Variants in CPM observed in about 807,000 individuals in gnomAD.
The protein encoded by CPM is renal carboxypeptidase.
In CPM, 35 loss-of-function variants were observed where a neutral mutation model predicts 46.4. That is an observed-to-expected ratio of 0.75 (90% confidence interval 0.58 to 1.00). The LOEUF (loss-of-function observed/expected upper bound fraction) is 1.00. Ranked by LOEUF, CPM falls within the 50% of genes least tolerant of loss-of-function variation. The pLI, the probability that CPM is intolerant of heterozygous loss-of-function variation, is 0.00. For synonymous variants in CPM, 195 were observed against 195.3 expected (o/e 1.00, Z 0.01); for missense variants, 422 against 530.4 (o/e 0.80, Z 2.01).
At chr12:68,859,158 ATATT>A (rs1885104406) in intron 7 of CPM, 87 bp from the exon 8 acceptor site, 3 of 700,260 alleles carry the variant, frequency 4.3e-6, no homozygotes, top group African/African-American at 1.9e-5. Context: ...AATATATGCA[ATATT>A]TATTAGCTAA....
chr12:68,853,371 A>G lies in CPM; in HGVS notation c.*3066T>C, dbSNP rs1884812000. 6.6e-6 allele frequency: 1 copy of G among 152,228 alleles called. No homozygotes were observed. Among genetic ancestry groups the G allele is most frequent in the African/African-American group, 2.4e-5 (1 of 41,480 alleles). The allele number at this position is 152,228 out of a possible 1,614,324, so 9.4% of individuals were successfully genotyped here. ...TATAATTACTGCTTCTTTAAATACA[A>G]ATGATCAAGATATTCAGATTATTAT... On this transcript the variant is annotated 3_prime_UTR_variant, in exon 9 of 9. Coordinates refer to ENST00000551568, the MANE Select transcript of CPM (RefSeq NM_198320.5).
chr12:68,882,876 C>T (rs919428161), intron 3 of CPM, among the ~76,000 whole-genome samples: 8 of 152,058 alleles, frequency 5.3e-5, no homozygotes, highest in Admixed American at 4.6e-4. Flanking sequence ...TAAAAAAAGA[C>T]CCAATTCTAA....
intron 2 of CPM, among the ~76,000 whole-genome samples, chr12:68,912,224 C>A (rs140273906): frequency 5.9e-5 from 9 of 152,246 alleles, no homozygotes; most frequent in African/African-American, 1.7e-4. Flanking sequence ...CCAGGCTGGT[C>A]GAACTCCTGA....
intron 5 of CPM, chr12:68,844,977 A>G: frequency 5.2e-6 from 1 of 193,706 alleles, no homozygotes. Flanking sequence ...TATGTTGGCC[A>G]GGCTGGGCTC....
chr12:68,862,861 A>G (rs1477966124), intron 7 of CPM, among the ~76,000 whole-genome samples: 1 of 152,168 alleles, frequency 6.6e-6, no homozygotes, highest in African/African-American at 2.4e-5. Context: ...ATATTAAAAA[A>G]AAAAAAAGGA....
At chr12:68,950,676 C>T (rs1888919541) in intron 1 of CPM, among the ~76,000 whole-genome samples, 1 of 152,206 alleles carries the variant, frequency 6.6e-6, no homozygotes, top group Admixed American at 6.5e-5. Flanking sequence ...GGTCCACCAG[C>T]CCTTATAGAG....
At chr12:68,936,905 A>G (rs1430228404), upstream of CPM, among the ~76,000 whole-genome samples, 1 of 152,276 alleles carries the variant, frequency 6.6e-6, no homozygotes, top group East Asian at 1.9e-4. Context: ...TAAGCAGTTC[A>G]TAAAAGCAGT....
Position 68,852,537 on chromosome 12 carries a change from TTTTC to T in CPM, c.*3896_*3899del, listed in dbSNP as rs138141526. 12,649 of 150,704 alleles carry T rather than the reference TTTTC, an allele frequency of 0.084. 1,788 individuals are homozygous for T. Among genetic ancestry groups the T allele is most frequent in the African/African-American group, 0.29 (11,916 of 40,704 alleles). The allele number at this position is 150,704 out of a possible 1,614,324, so 9.3% of individuals were successfully genotyped here. A position where few individuals can be genotyped will look rare whatever the true frequency, so the allele number is the denominator to read the frequency against. On this transcript the variant is annotated 3_prime_UTR_variant, in exon 9 of 9. Coordinates refer to ENST00000551568, the MANE Select transcript of CPM (RefSeq NM_198320.5). ...GATTTGAATCCAGGGCTTCTGCCTT[TTTTC>T]TTTCTTTCTTTTTTCTTTTTTTTTT...
chr12:68,872,252 C>CTTT (rs10659287), intron 3 of CPM, among the ~76,000 whole-genome samples: 1,287 of 117,190 alleles, frequency 0.011, 35 homozygotes, highest in Non-Finnish European at 0.013. Context: ...CTGCTGCTTC[C>CTTT]TTTTTTTTTT....
chr12:68,913,971 T>A lies in CPM; in HGVS notation c.160+18707A>T, dbSNP rs1468752767. The A allele has an allele frequency of 4.2e-6, 3 of 720,136 alleles. No individual in the cohort carries two copies. The African/African-American group carries it at 5.2e-5, about 12-fold the overall frequency. 44.6% of individuals were successfully genotyped at this position (720,136 alleles called of 1,614,324 possible). A position where few individuals can be genotyped will look rare whatever the true frequency, so the allele number is the denominator to read the frequency against. On this transcript the variant is annotated intron_variant, in intron 2 of 8. Coordinates refer to ENST00000551568, the MANE Select transcript of CPM (RefSeq NM_198320.5). ...CACAGAATATCAAATTTGTGTTTGA[T>A]GCAGCTACACAGATATTATTATCAA...
chr12:68,947,992 A>T (rs1413739896), intron 1 of CPM, among the ~76,000 whole-genome samples: 1 of 152,192 alleles, frequency 6.6e-6, no homozygotes, highest in East Asian at 1.9e-4. Flanking sequence ...GATCCAAAAT[A>T]GTCTAACAAA....
intron 2 of CPM, among the ~76,000 whole-genome samples, chr12:68,912,729 T>C (rs1228745139): frequency 6.6e-6 from 1 of 152,180 alleles, no homozygotes; most frequent in East Asian, 1.9e-4. Flanking sequence ...CAAAATTGAA[T>C]GGTTTCTCAC....
intron 2 of CPM, among the ~76,000 whole-genome samples, chr12:68,907,357 A>G (rs546230317): frequency 6.6e-6 from 1 of 152,034 alleles, no homozygotes; most frequent in Non-Finnish European, 1.5e-5. Context: ...CAATGCCACC[A>G]CTGCCTGTGG....
Position 68,879,528 on chromosome 12 carries a change from T to C in CPM, c.258+6264A>G, listed in dbSNP as rs182048439. On this transcript the variant is annotated intron_variant, in intron 3 of 8. Coordinates refer to ENST00000551568, the MANE Select transcript of CPM (RefSeq NM_198320.5). ...ACAGGTATGCACCACCCCACCTAGC[T>C]AATTTTTAAATTTTTTTTTAGAGAC... Among the ~76,000 whole-genome samples the C allele has an allele frequency of 1.3e-3, 195 of 152,262 alleles. 1 individual carries two copies. The highest frequency in any genetic ancestry group is 4.0e-3 in the African/African-American group (168 of 41,562).
downstream of CPM, chr12:68,847,210 A>ATATATATATATATATATG (rs1565756805): frequency 3.0e-5 from 4 of 135,130 alleles, no homozygotes; most frequent in African/African-American, 1.2e-4. Flanking sequence ...ATATATATAT[A>ATATATATATATATATATG]TACTTTTTTT....
intron 5 of CPM, chr12:68,846,157 G>A (rs1365554795): frequency 6.6e-6 from 1 of 152,232 alleles, no homozygotes; most frequent in Non-Finnish European, 1.5e-5. Context: ...GTTTCAGCAT[G>A]TTGTCCAGGC....
intron 1 of CPM, among the ~76,000 whole-genome samples, chr12:68,941,169 A>AAG (rs1162261173): frequency 1.0e-5 from 1 of 95,610 alleles, no homozygotes; most frequent in Non-Finnish European, 2.0e-5. Flanking sequence ...TGTGCTGAGT[A>AAG]CGTGTGTGTG....
At chr12:68,872,047 CTA>C in intron 3 of CPM, 91 bp from the exon 4 acceptor site, 1 of 1,284,464 alleles carries the variant, frequency 7.8e-7, no homozygotes, top group Admixed American at 2.0e-5. Context: ...ATAGGGGTCT[CTA>C]CACATGATAT....
intron 2 of CPM, among the ~76,000 whole-genome samples, chr12:68,899,072 T>C (rs1371577536): frequency 6.6e-6 from 1 of 152,326 alleles, no homozygotes; most frequent in African/African-American, 2.4e-5. Context: ...CAATTTGTTA[T>C]GCCAAGAGAC....
Sources: gnomAD v4.1 joint callset for allele counts (sites outside exome capture counted in the v4.1 genomes callset) on GRCh38, gnomAD v4.1.1 for gene constraint, MANE v1.5 for transcripts, NCBI Gene and HGNC (gene_info 2026-07-23, HGNC 2026-07-21) for gene names.